Variants in DIAPH2 observed in about 807,000 individuals in gnomAD.
DIAPH2 encodes the protein diaphanous related formin 2, also known as protein diaphanous homolog 2.
DIAPH2 carries 35 observed loss-of-function variants against 92.7 expected under a neutral mutation model. That is an observed-to-expected ratio of 0.38 (90% confidence interval 0.29 to 0.50). DIAPH2 has a LOEUF of 0.50. Among genes scored for constraint, DIAPH2 ranks in the 20% least tolerant of loss-of-function variants. The probability of loss-of-function intolerance (pLI) is 0.94; values close to 1 mark genes in which losing one functional copy is unlikely to be tolerated. For missense variants in DIAPH2, 701 were observed against 819.5 expected, an observed-to-expected ratio of 0.86 and a Z score of 1.77; for synonymous variants, 301 against 280.4, an observed-to-expected ratio of 1.07 and a Z score of -0.73.
chrX:96,969,293 G>A lies in DIAPH2; in HGVS notation c.2050+4086G>A, dbSNP rs148960171. Among the ~76,000 whole-genome samples the A allele has an allele frequency of 6.6e-3, 733 of 111,299 alleles. 7 individuals carry two copies. The highest frequency in any genetic ancestry group is 0.023 in the African/African-American group (709 of 30,648). On this transcript the variant is annotated intron_variant, in intron 17 of 26. Coordinates refer to ENST00000324765, the MANE Select transcript of DIAPH2 (RefSeq NM_006729.5). ...TGACATTGGTAGTTTGGTAGGAATAGTATTGAATCTGTAAATTGCTTTGGG... is the reference window on the plus strand; with the variant it reads ...TGACATTGGTAGTTTGGTAGGAATAATATTGAATCTGTAAATTGCTTTGGG...
chrX:96,761,019 C>G (rs1476851359), intron 4 of DIAPH2, among the ~76,000 whole-genome samples: 1 of 109,873 alleles, frequency 9.1e-6, no homozygotes, highest in Non-Finnish European at 1.9e-5. Context: ...CTGGAAGAGT[C>G]TATATTTTCA....
intron 5 of DIAPH2, among the ~76,000 whole-genome samples, chrX:96,883,388 T>G (rs1449976419): frequency 2.8e-5 from 3 of 108,122 alleles, no homozygotes; most frequent in African/African-American, 1.0e-4. Context: ...TGTTTTTTGT[T>G]TTTTTTTTTG....
At chrX:97,370,697 G>A (rs1359858988) in intron 24 of DIAPH2, among the ~76,000 whole-genome samples, 4 of 111,783 alleles carry the variant, frequency 3.6e-5, no homozygotes, top group Middle Eastern at 4.6e-3. Flanking sequence ...CTGAGGGTGC[G>A]CTTGATTTTT....
chrX:97,287,885 A>G (rs145633191), intron 23 of DIAPH2, among the ~76,000 whole-genome samples: 2,071 of 96,419 alleles, frequency 0.021, 61 homozygotes, highest in African/African-American at 0.075. Context: ...CCCAGGAGGC[A>G]GAGGTTGCAG....
intron 20 of DIAPH2, among the ~76,000 whole-genome samples, chrX:97,105,600 T>C (rs2066934869): frequency 8.9e-6 from 1 of 111,968 alleles, no homozygotes; most frequent in African/African-American, 3.3e-5. Context: ...CTTCTGAGTG[T>C]CTTTGCAGCT....
intron 22 of DIAPH2, among the ~76,000 whole-genome samples, chrX:97,215,977 C>T (rs370011778): frequency 8.9e-6 from 1 of 111,767 alleles, no homozygotes; most frequent in Non-Finnish European, 1.9e-5. Context: ...TTCGTGTGTC[C>T]GTTAACAACC....
chrX:97,073,187 G>T, intron 18 of DIAPH2, 145 bp downstream of exon 18: 1 of 437,565 alleles, frequency 2.3e-6, no homozygotes, highest in East Asian at 4.4e-5. Flanking sequence ...AACATGATTT[G>T]GTTGCCTTTT....
chrX:97,120,881 T>C (rs1359284061), intron 21 of DIAPH2, among the ~76,000 whole-genome samples: 1 of 110,890 alleles, frequency 9.0e-6, no homozygotes, highest in African/African-American at 3.3e-5. Context: ...GAAAGTAAAA[T>C]AGGTTCAGCT....
intron 1 of DIAPH2, among the ~76,000 whole-genome samples, chrX:96,720,926 G>A (rs6620139): frequency 0.21 from 23,737 of 110,727 alleles, 1,926 homozygotes; most frequent in East Asian, 0.32. Context: ...TTAGTAACAT[G>A]TTATACATGT....
In DIAPH2 at chrX:97,268,925, C is replaced by T. The variant is rs188429319; in HGVS notation, c.2844+21086C>T. Among the ~76,000 whole-genome samples, 331 of 99,468 alleles carry T rather than the reference C, an allele frequency of 3.3e-3. 1 individual carries two copies. Among genetic ancestry groups the T allele is most frequent in the Admixed American group, 5.5e-3 (48 of 8,733 alleles). 86.4% of individuals were successfully genotyped at this position (99,468 alleles called of 115,157 possible). On this transcript the variant is annotated intron_variant, in intron 23 of 26. Transcript: ENST00000324765. ...AGGCTGGAGTGCAGTGGTGCAATCT[C>T]GGCTCACTGCAACCTCCGCCTCCCA...
At chrX:96,989,396 G>A (rs143082909) in intron 17 of DIAPH2, among the ~76,000 whole-genome samples, 197 of 111,777 alleles carry the variant, frequency 1.8e-3, no homozygotes, top group African/African-American at 6.1e-3. Flanking sequence ...AATTGTGATC[G>A]TTGATGATTT....
At chrX:96,976,390 A>G (rs900060672) in intron 17 of DIAPH2, among the ~76,000 whole-genome samples, 27 of 110,886 alleles carry the variant, frequency 2.4e-4, no homozygotes, top group African/African-American at 8.5e-4. Context: ...CCAAAGTGCT[A>G]GGAATACAGG....
chrX:97,383,805 T>G (rs2069572799), intron 24 of DIAPH2, 104 bp from the exon 25 acceptor site: 1 of 725,395 alleles, frequency 1.4e-6, no homozygotes, highest in African/African-American at 2.2e-5. Context: ...TGTTTAACTT[T>G]GTTTATATGT....
chrX:96,755,503 A>G (rs1254784458), intron 3 of DIAPH2, among the ~76,000 whole-genome samples: 1 of 110,350 alleles, frequency 9.1e-6, no homozygotes, highest in African/African-American at 3.3e-5. Flanking sequence ...AATACAAAAA[A>G]TTAGCCGGGC....
At chrX:96,794,282 A>G (rs2064522698) in intron 4 of DIAPH2, among the ~76,000 whole-genome samples, 1 of 111,539 alleles carries the variant, frequency 9.0e-6, no homozygotes, top group African/African-American at 3.3e-5. Flanking sequence ...GTTTCAAAAT[A>G]AATTTTGGGG....
At chrX:96,983,769 G>A (rs1396865597) in intron 17 of DIAPH2, among the ~76,000 whole-genome samples, 1 of 111,378 alleles carries the variant, frequency 9.0e-6, no homozygotes, top group Non-Finnish European at 1.9e-5. Context: ...TCCAGTGATA[G>A]TCTCCATTTC....
At chrX:97,274,011 GTGT>G (rs1359244931) in intron 23 of DIAPH2, among the ~76,000 whole-genome samples, 2 of 33,063 alleles carry the variant, frequency 6.0e-5, no homozygotes, top group African/African-American at 1.7e-4. Flanking sequence ...CTAGCGGTGT[GTGT>G]GTGTGTGTGT....
chrX:97,133,023 G>A lies in DIAPH2; in HGVS notation c.2590-8642G>A, dbSNP rs775468649. ...GGGAGATCCAAAAGGGCTTCCTTCA[G>A]ATACTCTAGAGATTTGAACTTTTAT... On this transcript the variant is annotated intron_variant, in intron 21 of 26. Coordinates refer to ENST00000324765, the MANE Select transcript of DIAPH2 (RefSeq NM_006729.5). 5.1e-4 allele frequency among the ~76,000 whole-genome samples: 57 copies of A among 111,639 alleles called. 1 individual carries two copies. Among genetic ancestry groups the A allele is most frequent in the African/African-American group, 1.8e-3 (54 of 30,783 alleles).
At chrX:97,378,950 C>T (rs765512888) in intron 24 of DIAPH2, among the ~76,000 whole-genome samples, 1 of 111,767 alleles carries the variant, frequency 8.9e-6, no homozygotes, top group Admixed American at 9.5e-5. Context: ...CCAATTTGTT[C>T]ACCATGACAT....
Sources: allele counts gnomAD v4.1 joint callset (sites outside exome capture counted in the v4.1 genomes callset), GRCh38; gene constraint gnomAD v4.1.1; transcripts MANE v1.5; gene names NCBI Gene and HGNC (gene_info 2026-07-23, HGNC 2026-07-21).